The following CRISPLD1 variants were observed in gnomAD, a reference collection of about 807,000 sequenced individuals.
CRISPLD1 encodes cysteine-rich secretory protein LCCL domain-containing 1.
Under a neutral mutation model 77.5 loss-of-function variants are expected in CRISPLD1, and 60 were observed. That is an observed-to-expected ratio of 0.77 (90% CI 0.63 to 0.96). CRISPLD1 has a LOEUF of 0.96. Ranked by LOEUF, CRISPLD1 falls within the 40% of genes least tolerant of loss-of-function variation. The probability of loss-of-function intolerance (pLI) is 0.00; values close to 1 mark genes in which losing one functional copy is unlikely to be tolerated. For missense variants in CRISPLD1, 623 were observed against 615.8 expected, an observed-to-expected ratio of 1.01 and a Z score of -0.12; for synonymous variants, 195 against 200.1, an observed-to-expected ratio of 0.97 and a Z score of 0.22.
intron 2 of CRISPLD1, among the ~76,000 whole-genome samples, chr8:74,997,644 G>A: frequency 6.6e-6 from 1 of 152,114 alleles, no homozygotes; most frequent in East Asian, 1.9e-4. Flanking sequence ...TGAGCCGCGG[G>A]GCATGCAGCT....
chr8:74,990,709 C>G (rs1348178686), intron 2 of CRISPLD1, among the ~76,000 whole-genome samples: 3 of 151,746 alleles, frequency 2.0e-5, no homozygotes, highest in African/African-American at 7.3e-5. Flanking sequence ...CACCCTCACC[C>G]GCCAGTCTCT....
intron 6 of CRISPLD1, among the ~76,000 whole-genome samples, chr8:75,015,586 T>C (rs557343529): frequency 5.3e-5 from 8 of 152,352 alleles, no homozygotes; most frequent in Non-Finnish European, 8.8e-5. Flanking sequence ...TACTTTTTTC[T>C]TGATGACTAA....
intron 2 of CRISPLD1, among the ~76,000 whole-genome samples, chr8:74,997,838 A>C (rs1458195474): frequency 1.3e-5 from 2 of 152,236 alleles, no homozygotes; most frequent in Non-Finnish European, 2.9e-5. Flanking sequence ...GTCAATATTG[A>C]GGTCACTGAT....
At chr8:75,032,035 C>A (rs1454973128) in intron 14 of CRISPLD1, among the ~76,000 whole-genome samples, 156 bp from the exon 15 acceptor site, 1 of 151,976 alleles carries the variant, frequency 6.6e-6, no homozygotes, top group Non-Finnish European at 1.5e-5. Flanking sequence ...CTCATTCGAG[C>A]TTTCCAATAA....
At chr8:74,992,452 A>AT (rs1812586352) in intron 2 of CRISPLD1, among the ~76,000 whole-genome samples, 1 of 152,252 alleles carries the variant, frequency 6.6e-6, no homozygotes, top group Non-Finnish European at 1.5e-5. Context: ...TATTTTTAAC[A>AT]TAGAGTCTCT....
At chr8:75,011,108 C>CT (rs10651923) in intron 2 of CRISPLD1, among the ~76,000 whole-genome samples, 15,908 of 149,768 alleles carry the variant, frequency 0.11, 931 homozygotes, top group African/African-American at 0.12. Context: ...GTTTAAATTT[C>CT]TTTTTTTTTG....
chr8:75,009,605 A>G (rs903651364), intron 2 of CRISPLD1, among the ~76,000 whole-genome samples: 4 of 151,512 alleles, frequency 2.6e-5, no homozygotes, highest in East Asian at 3.9e-4. Flanking sequence ...AAACCTACAG[A>G]TAAGTGTAGT....
chr8:75,012,557 T>G lies in CRISPLD1; in HGVS notation c.377+6T>G. ...TTGGGAGCACACTGGGGAAGGTATC[T>G]TAAAGCACAACTTTTTCTTTATGAA... On this transcript the variant is annotated splice_donor_region_variant and intron_variant, in intron 3 of 14. Coordinates refer to ENST00000262207, the MANE Select transcript of CRISPLD1 (RefSeq NM_031461.6). 1 of 1,531,210 alleles carries G rather than the reference T, an allele frequency of 6.5e-7. No individual in the cohort carries two copies. The highest frequency in any genetic ancestry group is 9.1e-7 in the Non-Finnish European group (1 of 1,104,766). The allele number at this position is 1,531,210 out of a possible 1,614,324, so 94.9% of individuals were successfully genotyped here. A position where few individuals can be genotyped will look rare whatever the true frequency, so the allele number is the denominator to read the frequency against.
chr8:74,995,431 C>T (rs1333931233), intron 2 of CRISPLD1, among the ~76,000 whole-genome samples: 2 of 152,164 alleles, frequency 1.3e-5, no homozygotes, highest in Non-Finnish European at 2.9e-5. Flanking sequence ...AAAATTAATT[C>T]ATTACTTATT....
At position 74,995,920 on chromosome 8, in the gene CRISPLD1, G is replaced by A. The variant is rs535986463; in HGVS notation, c.258+9675G>A. 5.1e-4 allele frequency among the ~76,000 whole-genome samples: 77 copies of A among 151,648 alleles called. 1 individual carries two copies. The highest frequency in any genetic ancestry group is 1.7e-3 in the African/African-American group (70 of 41,392). ...CTGTGCTCTCTCACATATTCCTTAC[G>A]GGAATTTATACACCAAATTATTGCA... On this transcript the variant is annotated intron_variant, in intron 2 of 14. Transcript: ENST00000262207.
Position 75,029,511 on chromosome 8 carries a change from CAGAA to C in CRISPLD1, c.1448_1451del (p.Glu483ValfsTer42), listed in dbSNP as rs781737603. The C allele has an allele frequency of 3.1e-6, 5 of 1,613,352 alleles. No individual in the cohort carries two copies. Among genetic ancestry groups the C allele is most frequent in the East Asian group, 2.2e-5 (1 of 44,872 alleles). On this transcript the variant is annotated frameshift_variant and splice_region_variant, in exon 14 of 15. Transcript: ENST00000262207. LOFTEE classifies it high-confidence loss of function. ...GCTTCTTTTCAGAATGGAATCTTCT[CAGAA>C]AGGTAAAAACAAAACATATGTATGT...
At position 75,017,314 on chromosome 8, in the gene CRISPLD1, T is replaced by C. The variant is rs1001853353; in HGVS notation, c.997-6T>C. The C allele has an allele frequency of 1.2e-6, 2 of 1,607,612 alleles. No homozygotes were observed. The highest frequency in any genetic ancestry group is 1.7e-6 in the Non-Finnish European group (2 of 1,178,342). ...AACATCTTTTTATCTCCTCCTTTTTTCCAAGCAATCCAGCATCTGTAGAGC... is the reference window on the plus strand; with the variant it reads ...AACATCTTTTTATCTCCTCCTTTTTCCCAAGCAATCCAGCATCTGTAGAGC... On this transcript the variant is annotated splice_region_variant and splice_polypyrimidine_tract_variant and intron_variant, in intron 9 of 14. Coordinates refer to ENST00000262207, the MANE Select transcript of CRISPLD1 (RefSeq NM_031461.6).
intron 6 of CRISPLD1, among the ~76,000 whole-genome samples, chr8:75,015,502 G>A (rs1813012379): frequency 6.6e-6 from 1 of 152,122 alleles, no homozygotes; most frequent in Non-Finnish European, 1.5e-5. Flanking sequence ...AGCACATAAA[G>A]ATAAACTGTT....
chr8:75,011,015 C>T (rs2128784706), intron 2 of CRISPLD1, among the ~76,000 whole-genome samples: 1 of 152,060 alleles, frequency 6.6e-6, no homozygotes, highest in African/African-American at 2.4e-5. Context: ...TTCCCTATTT[C>T]CTTTCTTCCA....
At chr8:74,993,449 C>T (rs1426377292) in intron 2 of CRISPLD1, among the ~76,000 whole-genome samples, 2 of 152,102 alleles carry the variant, frequency 1.3e-5, no homozygotes, top group Non-Finnish European at 2.9e-5. Context: ...ATTTAATTTT[C>T]CTAAGGTGTT....
At chr8:75,012,688 T>C in intron 3 of CRISPLD1, 137 bp downstream of exon 3, 1 of 815,252 alleles carries the variant, frequency 1.2e-6, no homozygotes, top group Non-Finnish European at 1.9e-6. Context: ...AAAAAATAAA[T>C]GCCACACCAG....
chr8:75,006,725 G>T (rs535761684), intron 2 of CRISPLD1, among the ~76,000 whole-genome samples: 1 of 151,866 alleles, frequency 6.6e-6, no homozygotes, highest in African/African-American at 2.4e-5. Flanking sequence ...GGAATCTAAA[G>T]AATTCTGTAA....
chr8:74,989,861 T>G (rs1344541016), intron 2 of CRISPLD1, among the ~76,000 whole-genome samples: 2 of 152,206 alleles, frequency 1.3e-5, no homozygotes, highest in Non-Finnish European at 2.9e-5. Flanking sequence ...CTTGTACAGT[T>G]TTTATAGTTT....
At chr8:75,018,228 G>A (rs917276697) in intron 10 of CRISPLD1, among the ~76,000 whole-genome samples, 24 of 151,898 alleles carry the variant, frequency 1.6e-4, no homozygotes, top group Admixed American at 1.2e-3. Flanking sequence ...TATTAGGAAC[G>A]CTCAAAAATT....
Sources: gnomAD v4.1 joint callset for allele counts (sites outside exome capture counted in the v4.1 genomes callset) on GRCh38, gnomAD v4.1.1 for gene constraint, MANE v1.5 for transcripts, NCBI Gene and HGNC (gene_info 2026-07-23, HGNC 2026-07-21) for gene names.